The following AOPEP variants were observed in gnomAD, a reference collection of about 807,000 sequenced individuals.
The protein encoded by AOPEP is aminopeptidase O (putative).
In AOPEP, 77 loss-of-function variants were observed where a neutral mutation model predicts 98.1. The ratio of observed to expected loss-of-function variants is 0.78; its 90% CI spans 0.65 to 0.95. The LOEUF (loss-of-function observed/expected upper bound fraction) is 0.95, where lower values mean the gene tolerates loss of function less well. Among genes scored for constraint, AOPEP ranks in the 40% least tolerant of loss-of-function variants. AOPEP has a pLI of 0.00. For missense variants in AOPEP, 1,024 were observed against 1,024.7 expected, an observed-to-expected ratio of 1.00 and a Z score of 0.01; for synonymous variants, 346 against 365.3, an observed-to-expected ratio of 0.95 and a Z score of 0.60.
chr9:95,000,344 A>G (rs1224385075), intron 11 of AOPEP, among the ~76,000 whole-genome samples: 3 of 152,208 alleles, frequency 2.0e-5, no homozygotes, highest in African/African-American at 7.2e-5. Context: ...AGCATCTTTT[A>G]TATTTTTTGG....
intron 5 of AOPEP, among the ~76,000 whole-genome samples, chr9:94,875,607 T>G (rs2046855507): frequency 1.3e-5 from 2 of 152,206 alleles, no homozygotes; most frequent in African/African-American, 2.4e-5. Flanking sequence ...GGCTGAGCCA[T>G]TGTTATAGAA....
At chr9:94,834,319 A>G (rs1054885832) in intron 5 of AOPEP, among the ~76,000 whole-genome samples, 2 of 152,212 alleles carry the variant, frequency 1.3e-5, no homozygotes, top group African/African-American at 2.4e-5. Context: ...AAATTTAGAG[A>G]AATACCAACC....
At chr9:94,920,521 C>G (rs1349830639) in intron 5 of AOPEP, among the ~76,000 whole-genome samples, 1 of 152,128 alleles carries the variant, frequency 6.6e-6, no homozygotes, top group Admixed American at 6.5e-5. Flanking sequence ...CTGGGTCGCT[C>G]CACCCACAGC....
chr9:95,087,995 A>T (rs553567190), downstream of AOPEP, among the ~76,000 whole-genome samples: 3 of 152,144 alleles, frequency 2.0e-5, no homozygotes, highest in South Asian at 6.2e-4. Context: ...GGTCTCCAGA[A>T]CTCTCTTTTC....
intron 9 of AOPEP, among the ~76,000 whole-genome samples, chr9:94,956,958 G>T (rs2058500135): frequency 6.6e-6 from 1 of 152,174 alleles, no homozygotes; most frequent in African/African-American, 2.4e-5. Flanking sequence ...TGTACTGGGT[G>T]TGGGGAAAAT....
intron 13 of AOPEP, among the ~76,000 whole-genome samples, chr9:95,044,056 A>C (rs939853597): frequency 6.6e-6 from 1 of 152,180 alleles, no homozygotes; most frequent in Non-Finnish European, 1.5e-5. Flanking sequence ...AACTGAGATA[A>C]CACGTGCGAA....
chr9:94,762,446 C>G (rs1251972048), intron 2 of AOPEP, among the ~76,000 whole-genome samples: 5 of 128,348 alleles, frequency 3.9e-5, no homozygotes, highest in African/African-American at 5.9e-5. Flanking sequence ...GACTCCGTCT[C>G]AAAAAGAAAA....
intron 7 of AOPEP, among the ~76,000 whole-genome samples, chr9:94,931,374 G>A (rs754988917): frequency 1.3e-5 from 2 of 152,122 alleles, no homozygotes; most frequent in Non-Finnish European, 2.9e-5. Context: ...GCATTTGAAA[G>A]GCTTATTGCA....
intron 13 of AOPEP, among the ~76,000 whole-genome samples, chr9:95,032,943 T>G (rs2133394516): frequency 6.6e-6 from 1 of 152,324 alleles, no homozygotes; most frequent in South Asian, 2.1e-4. Flanking sequence ...TCTGATACTG[T>G]GCCAAGTGCT....
intron 13 of AOPEP, among the ~76,000 whole-genome samples, chr9:95,044,988 A>C (rs2065707248): frequency 6.6e-6 from 1 of 152,186 alleles, no homozygotes; most frequent in Non-Finnish European, 1.5e-5. Flanking sequence ...AACGTGGGGA[A>C]GAGGGTGGCC....
intron 7 of AOPEP, among the ~76,000 whole-genome samples, chr9:94,952,952 G>A (rs1302398327): frequency 3.3e-5 from 5 of 151,858 alleles, no homozygotes; most frequent in African/African-American, 4.8e-5. Context: ...AACTGAAGGC[G>A]TCATTGGGAA....
intron 13 of AOPEP, among the ~76,000 whole-genome samples, chr9:95,016,789 A>T (rs1478356049): frequency 2.1e-4 from 30 of 144,410 alleles, no homozygotes; most frequent in South Asian, 1.3e-3. Flanking sequence ...TTTTTTTTTT[A>T]AAAGAGACAG....
intron 1 of AOPEP, among the ~76,000 whole-genome samples, chr9:94,731,490 T>G (rs979525939): frequency 1.2e-4 from 18 of 152,068 alleles, no homozygotes; most frequent in Non-Finnish European, 1.2e-4. Context: ...CCTCCCAAAG[T>G]GCTGGGATTA....
chr9:94,853,711 A>C (rs1330868937), intron 5 of AOPEP, among the ~76,000 whole-genome samples: 1 of 152,198 alleles, frequency 6.6e-6, no homozygotes, highest in Non-Finnish European at 1.5e-5. Context: ...TCAGAGCTCT[A>C]CTCCACACAG....
intron 4 of AOPEP, among the ~76,000 whole-genome samples, chr9:94,793,601 T>C (rs540524019): frequency 1.3e-3 from 198 of 149,148 alleles, no homozygotes; most frequent in Non-Finnish European, 2.1e-3. Context: ...TGCTTGAACC[T>C]GGGAGGTAGA....
intron 5 of AOPEP, among the ~76,000 whole-genome samples, chr9:94,827,584 C>A (rs1854923423): frequency 2.0e-5 from 3 of 152,108 alleles, no homozygotes; most frequent in Admixed American, 2.0e-4. Context: ...ACTAAGATGA[C>A]CCTTTTAAAA....
At position 94,925,600 on chromosome 9, in the gene AOPEP, C is replaced by T. The variant is rs542023832; in HGVS notation, c.1554+1425C>T. ...TCTTTTCCTTCTACTGTGTCATTTC[C>T]TTATCCTCACACCTGGACTATACCT... On this transcript the variant is annotated intron_variant, in intron 6 of 16. Coordinates refer to ENST00000375315, the MANE Select transcript of AOPEP (RefSeq NM_001193329.3). Among the ~76,000 whole-genome samples, 12 of 152,056 alleles carry T rather than the reference C, an allele frequency of 7.9e-5. No individual in the cohort carries two copies. In the South Asian group the frequency reaches 2.1e-3, roughly 26 times the overall value.
intron 9 of AOPEP, among the ~76,000 whole-genome samples, chr9:94,957,863 A>G (rs1306965784): frequency 4.0e-5 from 6 of 151,764 alleles, no homozygotes; most frequent in Non-Finnish European, 7.3e-5. Flanking sequence ...TATAGCATGT[A>G]TCAGTACTTC....
At chr9:95,071,585 T>C (rs1386162986) in intron 14 of AOPEP, among the ~76,000 whole-genome samples, 3 of 152,150 alleles carry the variant, frequency 2.0e-5, no homozygotes, top group Non-Finnish European at 4.4e-5. Context: ...GGCTCCAGGA[T>C]TGCCGTGGAA....
Sources: gnomAD v4.1 joint callset for allele counts (sites outside exome capture counted in the v4.1 genomes callset) on GRCh38, gnomAD v4.1.1 for gene constraint, MANE v1.5 for transcripts, NCBI Gene and HGNC (gene_info 2026-07-23, HGNC 2026-07-21) for gene names.